Variants in DLG2 observed in about 807,000 individuals in gnomAD.
DLG2 encodes discs large MAGUK scaffold protein 2.
DLG2 carries 45 observed loss-of-function variants against 132.5 expected under a neutral mutation model. The observed-to-expected ratio is 0.34, with a 90% CI of 0.27 to 0.44. The LOEUF (loss-of-function observed/expected upper bound fraction) is 0.44. Among genes scored for constraint, DLG2 ranks in the 20% least tolerant of loss-of-function variants. The pLI is 1.00. For missense variants in DLG2, 1,045 were observed against 1,196.9 expected (o/e 0.87, Z 1.87); for synonymous variants, 424 against 419.6 (o/e 1.01, Z -0.13).
chr11:84,646,675 C>A, intron 6 of DLG2, among the ~76,000 whole-genome samples: 1 of 148,446 alleles, frequency 6.7e-6, no homozygotes, highest in African/African-American at 2.5e-5. Flanking sequence ...CAAAAAATAA[C>A]AACCTCAGAG....
At position 85,207,616 on chromosome 11, in the gene DLG2, A is replaced by T. The variant is rs2081983438; in HGVS notation, c.187-52965T>A. On this transcript the variant is annotated intron_variant, in intron 4 of 27. Transcript: ENST00000376104. ...AGACCCATTACATGTGTCAAATTTT[A>T]TTTAAATGAGTCAATTTTATATTCT... Among the ~76,000 whole-genome samples the T allele has an allele frequency of 2.0e-5, 3 of 152,164 alleles. No individual in the cohort carries two copies. In the South Asian group the frequency reaches 6.2e-4, roughly 32 times the overall value.
intron 18 of DLG2, among the ~76,000 whole-genome samples, chr11:83,652,245 G>A (rs2070771507): frequency 6.6e-6 from 1 of 152,130 alleles, no homozygotes; most frequent in Non-Finnish European, 1.5e-5. Context: ...GCCTGCACTT[G>A]TTCTGTTTTT....
chr11:84,502,207 C>T (rs200786987), intron 7 of DLG2, among the ~76,000 whole-genome samples: 344 of 3,674 alleles, frequency 0.094, 70 homozygotes, highest in African/African-American at 0.17. Flanking sequence ...TCTCTCCTTC[C>T]TTCCTTCCTT....
At chr11:84,267,781 T>A (rs940943749) in intron 7 of DLG2, among the ~76,000 whole-genome samples, 1 of 152,230 alleles carries the variant, frequency 6.6e-6, no homozygotes, top group Admixed American at 6.5e-5. Context: ...TTTACATTTC[T>A]GCACAAACGT....
intron 6 of DLG2, among the ~76,000 whole-genome samples, chr11:84,992,632 T>C (rs1376197869): frequency 6.6e-6 from 1 of 152,208 alleles, no homozygotes; most frequent in Admixed American, 6.5e-5. Flanking sequence ...GATTTGCATT[T>C]ATCTAATGAC....
chr11:83,487,943 G>A (rs919783723), intron 21 of DLG2, among the ~76,000 whole-genome samples: 2 of 151,860 alleles, frequency 1.3e-5, no homozygotes, highest in South Asian at 4.2e-4. Flanking sequence ...TTGGGAAGTG[G>A]CAGCCAAGGT....
chr11:83,906,080 TCTATATATATATATATATATATATAC>T (rs2074708460), intron 15 of DLG2, among the ~76,000 whole-genome samples: 1 of 86,760 alleles, frequency 1.2e-5, no homozygotes, highest in Admixed American at 1.1e-4. Flanking sequence ...TCTCTCTCTC[TCTATATATATATATATATATATATAC>T]ATATATAGTT....
intron 6 of DLG2, chr11:84,890,748 T>C (rs1943734): frequency 0.073 from 11,156 of 152,336 alleles, 552 homozygotes; most frequent in Non-Finnish European, 0.11. Context: ...GTCCCAGAGC[T>C]GTCTGTCTTT....
At chr11:85,557,751 A>C (rs2077014166) in intron 3 of DLG2, among the ~76,000 whole-genome samples, 1 of 151,938 alleles carries the variant, frequency 6.6e-6, no homozygotes, top group Non-Finnish European at 1.5e-5. Context: ...CTGGCTAGCT[A>C]TATGCAGAAG....
At chr11:85,209,287 A>T (rs2082097234) in intron 4 of DLG2, among the ~76,000 whole-genome samples, 1 of 151,598 alleles carries the variant, frequency 6.6e-6, no homozygotes. Flanking sequence ...ATCAATGTTG[A>T]TTTTTTTTAG....
At chr11:85,159,704 CT>C (rs2077878838) in intron 4 of DLG2, among the ~76,000 whole-genome samples, 1 of 152,230 alleles carries the variant, frequency 6.6e-6, no homozygotes, top group African/African-American at 2.4e-5. Flanking sequence ...CAGCCATTGG[CT>C]TGGCAAATGA....
At chr11:84,552,629 T>C (rs1313637085) in intron 6 of DLG2, among the ~76,000 whole-genome samples, 1 of 152,192 alleles carries the variant, frequency 6.6e-6, no homozygotes, top group Non-Finnish European at 1.5e-5. Flanking sequence ...TATTTAATTG[T>C]TTACTTTTTA....
intron 10 of DLG2, among the ~76,000 whole-genome samples, chr11:84,092,897 G>A (rs551368466): frequency 3.2e-4 from 48 of 151,978 alleles, no homozygotes; most frequent in Non-Finnish European, 5.0e-4. Context: ...TTAGCTGGGT[G>A]TGGTGGCGGG....
chr11:83,713,422 G>A (rs1369621734), intron 18 of DLG2, among the ~76,000 whole-genome samples: 1 of 152,178 alleles, frequency 6.6e-6, no homozygotes, highest in Non-Finnish European at 1.5e-5. Context: ...AATACTTGGA[G>A]AATGGCAAGA....
chr11:85,197,447 A>C (rs1363735436), intron 4 of DLG2, among the ~76,000 whole-genome samples: 2 of 152,214 alleles, frequency 1.3e-5, no homozygotes, highest in African/African-American at 2.4e-5. Flanking sequence ...ACTCACACCA[A>C]GAACCATTTT....
rs200856106 is a variant in DLG2 at position 84,017,038 on chromosome 11, A to G, written c.920-36396T>C. ...TGTGGTATTGGGGAGAGTACTACAC[A>G]GAGAACATAGCATATGCAAAGACTT... On this transcript the variant is annotated intron_variant, in intron 11 of 27. Transcript: ENST00000376104. 7.2e-5 allele frequency among the ~76,000 whole-genome samples: 11 copies of G among 152,060 alleles called. No homozygotes were observed. In the East Asian group the frequency reaches 2.1e-3, roughly 29 times the overall value.
intron 18 of DLG2, among the ~76,000 whole-genome samples, chr11:83,655,401 C>A (rs2072052316): frequency 6.6e-6 from 1 of 152,306 alleles, no homozygotes; most frequent in South Asian, 2.1e-4. Context: ...ACTGGCTTCA[C>A]TGTAATATTA....
intron 9 of DLG2, among the ~76,000 whole-genome samples, chr11:84,136,233 A>C (rs2094596743): frequency 9.2e-5 from 14 of 152,168 alleles, no homozygotes; most frequent in Admixed American, 9.2e-4. Context: ...AACATCTACC[A>C]CATAGGTTCA....
chr11:85,356,825 T>G (rs925613617), intron 3 of DLG2, among the ~76,000 whole-genome samples: 1 of 125,872 alleles, frequency 7.9e-6, no homozygotes, highest in Non-Finnish European at 1.7e-5. Flanking sequence ...GATAGATAGA[T>G]AGAGATGATA....
Sources: allele counts gnomAD v4.1 joint callset (sites outside exome capture counted in the v4.1 genomes callset), GRCh38; gene constraint gnomAD v4.1.1; transcripts MANE v1.5; gene names NCBI Gene and HGNC (gene_info 2026-07-23, HGNC 2026-07-21).